The following EYS variants were observed in gnomAD, a reference collection of about 807,000 sequenced individuals.
The protein encoded by EYS is protein eyes shut homolog.
Under a neutral mutation model 282.1 loss-of-function variants are expected in EYS, and 250 were observed. That is an observed-to-expected ratio of 0.89 (90% CI 0.80 to 0.98). EYS has a LOEUF of 0.98. EYS is among the 50% of genes least tolerant of loss of function. The probability of loss-of-function intolerance (pLI) is 0.00; values close to 1 mark genes in which losing one functional copy is unlikely to be tolerated. For synonymous variants in EYS, 1,355 were observed against 1,282.9 expected (o/e 1.06, Z -1.20); for missense variants, 4,016 against 3,709.0 (o/e 1.08, Z -2.15).
chr6:63,967,205 A>C (rs1057416922), intron 35 of EYS, among the ~76,000 whole-genome samples: 5 of 152,202 alleles, frequency 3.3e-5, no homozygotes, highest in African/African-American at 1.2e-4. Flanking sequence ...ACACTAAGGG[A>C]TAATTCATGT....
chr6:63,723,759 T>C (rs1173094547), intron 42 of EYS, among the ~76,000 whole-genome samples: 1 of 150,792 alleles, frequency 6.6e-6, no homozygotes, highest in Non-Finnish European at 1.5e-5. Flanking sequence ...GATATGATGC[T>C]CTAGTTATGG....
intron 31 of EYS, among the ~76,000 whole-genome samples, chr6:64,136,061 A>G (rs1447075076): frequency 6.6e-6 from 1 of 152,092 alleles, no homozygotes; most frequent in East Asian, 1.9e-4. Flanking sequence ...TGCTTTATCA[A>G]CTAAATTTGT....
At chr6:65,594,221 C>T (rs544120227) in intron 2 of EYS, among the ~76,000 whole-genome samples, 1 of 151,960 alleles carries the variant, frequency 6.6e-6, no homozygotes, top group Non-Finnish European at 1.5e-5. Context: ...GTTGTATATG[C>T]TTTATTTCAT....
intron 5 of EYS, among the ~76,000 whole-genome samples, chr6:65,486,425 C>T (rs1042946119): frequency 6.6e-6 from 1 of 152,124 alleles, no homozygotes; most frequent in African/African-American, 2.4e-5. Context: ...GCTCTAGCTG[C>T]ATCTTGCTCA....
chr6:65,032,382 C>T (rs908222317), intron 13 of EYS, among the ~76,000 whole-genome samples: 7 of 152,122 alleles, frequency 4.6e-5, no homozygotes, highest in African/African-American at 1.7e-4. Flanking sequence ...ATCCTCCATG[C>T]TGGAGGGGGC....
At chr6:64,475,067 T>C (rs1260833387) in intron 26 of EYS, among the ~76,000 whole-genome samples, 8 of 152,190 alleles carry the variant, frequency 5.3e-5, no homozygotes, top group Non-Finnish European at 1.0e-4. Context: ...TTTTACATTA[T>C]AATTAAGTCA....
At chr6:65,694,742 TA>T (rs34494006) in intron 1 of EYS, among the ~76,000 whole-genome samples, 2,853 of 135,452 alleles carry the variant, frequency 0.021, 122 homozygotes, top group Non-Finnish European at 0.032. Flanking sequence ...GTTGTAGATT[TA>T]AAAAAAAAAA....
rs191573830 is a variant in EYS, at chr6:64,909,829, C to T, written c.2641+2655G>A. 1.4e-4 allele frequency among the ~76,000 whole-genome samples: 21 copies of T among 152,168 alleles called. 2 individuals are homozygous for T. The highest frequency in any genetic ancestry group is 4.8e-4 in the African/African-American group (20 of 41,546). On this transcript the variant is annotated intron_variant, in intron 16 of 42. Coordinates refer to ENST00000503581, the MANE Select transcript of EYS (RefSeq NM_001142800.2). ...CAATCACACTAACCAAAATAGCTTA[C>T]CTGCTAAGCATGCAGTCTGACGTAA...
At chr6:64,945,948 A>G in intron 14 of EYS, 34 bp from the exon 15 acceptor site, 2 of 1,487,826 alleles carry the variant, frequency 1.3e-6, no homozygotes, top group Non-Finnish European at 1.8e-6. Flanking sequence ...TTTTTAGGCT[A>G]TTTCTTACTA....
chr6:63,720,539 T>C lies in EYS; in HGVS notation c.*57A>G. 1.6e-6 allele frequency: 2 copies of C among 1,272,554 alleles called. No homozygotes were observed. The highest frequency in any genetic ancestry group is 3.1e-5 in the Admixed American group (1 of 32,310). 78.8% of individuals were successfully genotyped at this position (1,272,554 alleles called of 1,614,324 possible). On this transcript the variant is annotated 3_prime_UTR_variant, in exon 43 of 43. Coordinates refer to ENST00000503581, the MANE Select transcript of EYS (RefSeq NM_001142800.2). ...CCCCGTAAGCAATGTATCAAAGAAA[T>C]AACTATCAAAATAACTGCATTTATG...
At chr6:64,666,594 A>G (rs36007158) in intron 22 of EYS, among the ~76,000 whole-genome samples, 80 of 152,170 alleles carry the variant, frequency 5.3e-4, no homozygotes, top group Non-Finnish European at 9.1e-4. Context: ...TCTTCTTTTC[A>G]TTAAATTATT....
chr6:64,422,813 A>G (rs749847752), intron 28 of EYS, among the ~76,000 whole-genome samples: 5 of 152,202 alleles, frequency 3.3e-5, no homozygotes, highest in Non-Finnish European at 7.3e-5. Flanking sequence ...TTACAAGTGT[A>G]TCTGAGAGTA....
chr6:64,881,352 T>C (rs1766913049), intron 19 of EYS, among the ~76,000 whole-genome samples: 1 of 151,876 alleles, frequency 6.6e-6, no homozygotes, highest in African/African-American at 2.4e-5. Flanking sequence ...TATAACAGAT[T>C]CACTGTGCCA....
chr6:65,210,729 C>A (rs1319091129), intron 12 of EYS, among the ~76,000 whole-genome samples: 1 of 151,594 alleles, frequency 6.6e-6, no homozygotes, highest in Non-Finnish European at 1.5e-5. Flanking sequence ...CTGACAATTG[C>A]AAAAATAGAA....
intron 12 of EYS, among the ~76,000 whole-genome samples, chr6:65,271,578 T>A (rs1346986759): frequency 6.6e-6 from 1 of 151,958 alleles, no homozygotes; most frequent in Non-Finnish European, 1.5e-5. Context: ...GTTTTTAATT[T>A]TTTTTATTAT....
chr6:63,872,065 C>A (rs1772820180), intron 35 of EYS, among the ~76,000 whole-genome samples: 1 of 152,140 alleles, frequency 6.6e-6, no homozygotes, highest in African/African-American at 2.4e-5. Flanking sequence ...TTTTCCTGGA[C>A]CTTATAGTGA....
chr6:64,721,082 G>A lies in EYS; in HGVS notation c.3443+92296C>T, dbSNP rs577074458. On this transcript the variant is annotated intron_variant, in intron 22 of 42. Transcript: ENST00000503581. ...ACTAATTATCAAGTGTCTACAAAGT[G>A]CCAGGCTCTATTCTGGGCCTGGGGA... Among the ~76,000 whole-genome samples, 17 of 152,228 alleles carry A rather than the reference G, an allele frequency of 1.1e-4. 1 individual carries two copies. The highest frequency in any genetic ancestry group is 4.1e-4 in the African/African-American group (17 of 41,554).
At chr6:64,302,369 G>A (rs1354379519) in intron 30 of EYS, among the ~76,000 whole-genome samples, 3 of 152,130 alleles carry the variant, frequency 2.0e-5, no homozygotes, top group Non-Finnish European at 2.9e-5. Flanking sequence ...ATCAGTTATG[G>A]CAAACAGATG....
At chr6:65,680,086 T>TAA (rs1554223102) in intron 1 of EYS, among the ~76,000 whole-genome samples, 1 of 147,284 alleles carries the variant, frequency 6.8e-6, no homozygotes, top group Non-Finnish European at 1.5e-5. Flanking sequence ...TCCTAAATTT[T>TAA]CACACACACA....
Sources: allele counts gnomAD v4.1 joint callset (sites outside exome capture counted in the v4.1 genomes callset), GRCh38; gene constraint gnomAD v4.1.1; transcripts MANE v1.5; gene names NCBI Gene and HGNC (gene_info 2026-07-23, HGNC 2026-07-21).